CEP63: variants seen among roughly 807,000 people sequenced by gnomAD.
The protein encoded by CEP63 is centrosomal protein 63.
In CEP63, 84 loss-of-function variants were observed where a neutral mutation model predicts 89.1. That is an observed-to-expected ratio of 0.94 (90% CI 0.79 to 1.13). The LOEUF (loss-of-function observed/expected upper bound fraction) is 1.13, where lower values mean the gene tolerates loss of function less well. Among genes scored for constraint, CEP63 ranks in the 50% most tolerant of loss-of-function variants. The probability of loss-of-function intolerance (pLI) is 0.00; values close to 1 mark genes in which losing one functional copy is unlikely to be tolerated. For synonymous variants in CEP63, 267 were observed against 272.5 expected, an observed-to-expected ratio of 0.98 and a Z score of 0.20; for missense variants, 838 against 813.3, an observed-to-expected ratio of 1.03 and a Z score of -0.37.
chr3:134,486,375 C>G (rs1290787937), intron 1 of CEP63, 173 bp downstream of exon 1: 450 of 985,478 alleles, frequency 4.6e-4, no homozygotes, highest in Non-Finnish European at 5.3e-4. Flanking sequence ...GGCCTGCGAA[C>G]CACCAGGCGC....
chr3:134,554,760 T>C (rs1955779909), intron 12 of CEP63, among the ~76,000 whole-genome samples: 1 of 152,208 alleles, frequency 6.6e-6, no homozygotes, highest in African/African-American at 2.4e-5. Flanking sequence ...TTCCTGACTT[T>C]TTAATGACTG....
chr3:134,765,195 T>C, the CEP63 span, among the ~76,000 whole-genome samples: 1 of 152,224 alleles, frequency 6.6e-6, no homozygotes, highest in Non-Finnish European at 1.5e-5. Context: ...ATGTATAAGG[T>C]ATTCATATTC....
the CEP63 span, chr3:134,603,831 G>T: frequency 1.2e-6 from 2 of 1,613,840 alleles, no homozygotes; most frequent in Middle Eastern, 1.6e-4. Flanking sequence ...GCAGCTCATT[G>T]TCCTGTCCCC....
At chr3:134,675,796 A>G in the CEP63 span, among the ~76,000 whole-genome samples, 1 of 152,264 alleles carries the variant, frequency 6.6e-6, no homozygotes, top group South Asian at 2.1e-4. Flanking sequence ...ATCATTAGTC[A>G]TTAGGAAAAT....
chr3:134,494,184 C>T (rs1039856329), intron 1 of CEP63, among the ~76,000 whole-genome samples: 1 of 151,426 alleles, frequency 6.6e-6, no homozygotes, highest in Non-Finnish European at 1.5e-5. Context: ...GGTGTGATCT[C>T]GGATCACTGC....
At chr3:134,511,613 A>G (rs969361408) in intron 3 of CEP63, among the ~76,000 whole-genome samples, 1 of 152,196 alleles carries the variant, frequency 6.6e-6, no homozygotes, top group African/African-American at 2.4e-5. Context: ...TCACAGTTCC[A>G]CAGGCTGTAC....
Position 134,550,239 on chromosome 3 carries a change from A to C in CEP63, c.1359A>C (p.Glu453Asp). The stretch of plus-strand genomic sequence containing the variant: ...TCAGAGCAGAGATGCAAAAGGCAGA[A>C]GACAAAGCAGTAGAGCATAAGGTGA... ...KRLRAEMQKA[E>D]DKAVEHKEIL... Residue 453 changes from glutamate to aspartate, a missense_variant, in exon 11 of 15, where the codon GAA becomes GAC. Physicochemically the swap from Glu to Asp is conservative, Grantham distance 45. Transcript: ENST00000675561. The C allele has an allele frequency of 6.2e-7, 1 of 1,614,206 alleles. No individual in the cohort carries two copies. The highest frequency in any genetic ancestry group is 8.5e-7 in the Non-Finnish European group (1 of 1,180,010).
downstream of CEP63, among the ~76,000 whole-genome samples, chr3:134,567,464 T>C (rs1431019766): frequency 2.1e-5 from 1 of 47,550 alleles, no homozygotes; most frequent in African/African-American, 8.6e-5. Flanking sequence ...TAATCACTGT[T>C]ACCAAAAAAA....
At chr3:134,517,867 G>A (rs1451036969) in intron 3 of CEP63, among the ~76,000 whole-genome samples, 1 of 152,146 alleles carries the variant, frequency 6.6e-6, no homozygotes, top group Non-Finnish European at 1.5e-5. Context: ...GAAAATCATT[G>A]AGGTATTGAT....
At chr3:134,762,341 G>A in the CEP63 span, among the ~76,000 whole-genome samples, 8 of 152,052 alleles carry the variant, frequency 5.3e-5, no homozygotes, top group Admixed American at 1.3e-4. Flanking sequence ...TTTCTGGGGC[G>A]GTGTATCAGG....
chr3:134,526,575 A>G (rs373307888), intron 3 of CEP63, among the ~76,000 whole-genome samples: 1 of 151,952 alleles, frequency 6.6e-6, no homozygotes, highest in African/African-American at 2.4e-5. Context: ...CTTTGTTCCT[A>G]TCCATGCTCT....
chr3:134,665,890 A>G, the CEP63 span, among the ~76,000 whole-genome samples: 75 of 152,188 alleles, frequency 4.9e-4, no homozygotes, highest in African/African-American at 1.8e-3. Flanking sequence ...GGATGAGAGA[A>G]GTCGAGGGGC....
chr3:134,558,146 A>C lies in CEP63; in HGVS notation c.1472A>C (p.Lys491Thr). 6.2e-7 allele frequency: 1 copy of C among 1,612,624 alleles called. No individual in the cohort carries two copies. Residue 491 changes from lysine (K) to threonine (T), a missense_variant, in exon 13 of 15, where the codon AAA becomes ACA. Lys to Thr is a moderately conservative substitution (Grantham distance 78). Coordinates refer to ENST00000675561, the MANE Select transcript of CEP63 (RefSeq NM_001353108.3). Reference sequence around the variant, plus strand: ...TCTAGTATTCTTTTTTATTAGGCAAAAGAGATTTCACTAGCAGACCTCCAG... The same window carrying C: ...TCTAGTATTCTTTTTTATTAGGCAACAGAGATTTCACTAGCAGACCTCCAG... ...MKLELGLHEA[K>T]EISLADLQEN...
At chr3:134,539,693 A>T (rs946456121) in intron 6 of CEP63, among the ~76,000 whole-genome samples, 2 of 149,088 alleles carry the variant, frequency 1.3e-5, no homozygotes, top group Non-Finnish European at 3.0e-5. Flanking sequence ...ACCCTCCATT[A>T]AAAAAAAATC....
chr3:134,669,782 G>A, the CEP63 span, among the ~76,000 whole-genome samples: 2 of 152,152 alleles, frequency 1.3e-5, no homozygotes, highest in African/African-American at 2.4e-5. Context: ...GGAATCTGGG[G>A]TATGGCAAAT....
At chr3:134,574,036 A>G (rs757397441) in intron 11 of CEP63, among the ~76,000 whole-genome samples, 8 of 152,212 alleles carry the variant, frequency 5.3e-5, no homozygotes, top group African/African-American at 1.4e-4. Context: ...CACAATCCCA[A>G]TGCTTGACAT....
the CEP63 span, among the ~76,000 whole-genome samples, chr3:134,609,557 T>C: frequency 6.6e-6 from 1 of 152,192 alleles, no homozygotes; most frequent in African/African-American, 2.4e-5. Flanking sequence ...TCTGAGCTGC[T>C]GATAACATCA....
At chr3:134,682,088 T>C in the CEP63 span, among the ~76,000 whole-genome samples, 1 of 152,192 alleles carries the variant, frequency 6.6e-6, no homozygotes, top group Non-Finnish European at 1.5e-5. Flanking sequence ...TCTGAGTGGC[T>C]AAGCCTCTGG....
the CEP63 span, among the ~76,000 whole-genome samples, chr3:134,723,515 C>A: frequency 6.6e-6 from 1 of 152,154 alleles, no homozygotes; most frequent in African/African-American, 2.4e-5. Flanking sequence ...TGTTTCAAGC[C>A]AAAGAGCTTT....
Sources: allele counts gnomAD v4.1 joint callset (sites outside exome capture counted in the v4.1 genomes callset), GRCh38; gene constraint gnomAD v4.1.1; transcripts MANE v1.5; gene names NCBI Gene and HGNC (gene_info 2026-07-23, HGNC 2026-07-21).